The following ADORA2B variants were observed in gnomAD, a reference collection of about 807,000 sequenced individuals.
ADORA2B encodes adenosine receptor A2b.
A neutral mutation model predicts 20.8 loss-of-function variants in ADORA2B; 18 were observed. The observed-to-expected ratio is 0.87, with a 90% confidence interval of 0.60 to 1.29. The LOEUF is 1.29. Among genes scored for constraint, ADORA2B ranks in the 50% most tolerant of loss-of-function variants. The pLI, the probability that ADORA2B is intolerant of heterozygous loss-of-function variation, is 0.00. For synonymous variants in ADORA2B, 179 were observed against 178.3 expected, an observed-to-expected ratio of 1.00 and a Z score of -0.03; for missense variants, 441 against 422.7, an observed-to-expected ratio of 1.04 and a Z score of -0.38.
At chr17:15,958,490 C>G (rs1300899600) in intron 1 of ADORA2B, among the ~76,000 whole-genome samples, 4 of 152,204 alleles carry the variant, frequency 2.6e-5, no homozygotes, top group African/African-American at 9.6e-5. Context: ...GTGTGCACCT[C>G]CTTCCTTTAC....
intron 1 of ADORA2B, 46 bp downstream of exon 1, chr17:15,945,629 C>T: frequency 7.0e-7 from 1 of 1,420,968 alleles, no homozygotes; most frequent in South Asian, 1.5e-5. Flanking sequence ...GTCGGAGCTC[C>T]GAAATGGGTC....
chr17:15,874,090 A>ATATATG, the ADORA2B span, among the ~76,000 whole-genome samples: 1 of 139,328 alleles, frequency 7.2e-6, no homozygotes, highest in African/African-American at 2.9e-5. Flanking sequence ...ATGTATATAT[A>ATATATG]TGTATACACA....
chr17:15,874,062 G>A, the ADORA2B span, among the ~76,000 whole-genome samples: 17,680 of 99,466 alleles, frequency 0.18, 1,464 homozygotes, highest in South Asian at 0.3. Context: ...ATATATATGT[G>A]TGTGTGTATA....
the ADORA2B span, among the ~76,000 whole-genome samples, chr17:15,866,706 GCTGCCGCTGCCT>G: frequency 3.8e-4 from 56 of 147,942 alleles, no homozygotes; most frequent in South Asian, 2.7e-3. Context: ...TGCCTCTGCC[GCTGCCGCTGCCT>G]CTGCCGCTGC....
At chr17:15,944,766 G>A (rs1450157909), upstream of ADORA2B, among the ~76,000 whole-genome samples, 1 of 152,130 alleles carries the variant, frequency 6.6e-6, no homozygotes, top group East Asian at 1.9e-4. The surrounding 1 kb of genome is among the most constrained non-coding windows in gnomAD (Gnocchi z 4.8). Context: ...CCCGCCCGGG[G>A]TTGCGCGGCC....
At chr17:15,909,147 C>T in the ADORA2B span, among the ~76,000 whole-genome samples, 1 of 151,970 alleles carries the variant, frequency 6.6e-6, no homozygotes, top group Admixed American at 6.6e-5. Context: ...ATGATCAAGC[C>T]ACTGCACTCC....
chr17:15,958,325 A>G (rs1187353062), intron 1 of ADORA2B, among the ~76,000 whole-genome samples: 2 of 152,126 alleles, frequency 1.3e-5, no homozygotes, highest in Non-Finnish European at 2.9e-5. Context: ...GCCCAGGTAC[A>G]CTTCTTAAAC....
chr17:15,865,520 C>G, the ADORA2B span, among the ~76,000 whole-genome samples: 1 of 151,926 alleles, frequency 6.6e-6, no homozygotes, highest in Non-Finnish European at 1.5e-5. Flanking sequence ...CCTCAGCCTC[C>G]CAAAGTCCTG....
chr17:15,903,011 A>G, the ADORA2B span, among the ~76,000 whole-genome samples: 14 of 152,218 alleles, frequency 9.2e-5, no homozygotes, highest in Non-Finnish European at 1.9e-4. Context: ...AACTCATTAA[A>G]TTATGAATTT....
the ADORA2B span, among the ~76,000 whole-genome samples, chr17:15,877,182 G>C: frequency 5.9e-5 from 9 of 152,090 alleles, no homozygotes; most frequent in African/African-American, 2.2e-4. Flanking sequence ...ATAGCATCCT[G>C]TTCTTGTTTT....
At chr17:15,957,440 G>A (rs1969981373) in intron 1 of ADORA2B, among the ~76,000 whole-genome samples, 1 of 152,184 alleles carries the variant, frequency 6.6e-6, no homozygotes. Flanking sequence ...ACATAGTCGT[G>A]TGCTTCTGGC....
the ADORA2B span, among the ~76,000 whole-genome samples, chr17:15,874,832 C>T: frequency 6.6e-6 from 1 of 152,082 alleles, no homozygotes; most frequent in Non-Finnish European, 1.5e-5. Context: ...TTGTGTTATA[C>T]TTTCCATTTT....
chr17:15,898,499 G>A, the ADORA2B span, among the ~76,000 whole-genome samples: 2 of 143,222 alleles, frequency 1.4e-5, no homozygotes, highest in South Asian at 4.4e-4. Flanking sequence ...ATCCCGAGTA[G>A]CTGGGATTTC....
the ADORA2B span, among the ~76,000 whole-genome samples, chr17:15,920,441 G>A: frequency 6.6e-6 from 1 of 152,292 alleles, no homozygotes. Context: ...ACTACTTTCA[G>A]GCCAGCCACA....
intron 1 of ADORA2B, among the ~76,000 whole-genome samples, chr17:15,967,092 T>TG (rs1342804412): frequency 3.3e-5 from 5 of 151,972 alleles, no homozygotes; most frequent in Admixed American, 2.6e-4. Context: ...GAGACTGGCC[T>TG]GGGGAGAGGA....
chr17:15,968,600 T>C (rs1405071291), intron 1 of ADORA2B, among the ~76,000 whole-genome samples: 2 of 152,114 alleles, frequency 1.3e-5, no homozygotes, highest in African/African-American at 4.8e-5. Flanking sequence ...GAGCTGGAAT[T>C]TGTGAGTTGA....
At chr17:15,902,343 A>G in the ADORA2B span, among the ~76,000 whole-genome samples, 22 of 151,940 alleles carry the variant, frequency 1.4e-4, no homozygotes, top group Admixed American at 1.4e-3. Flanking sequence ...TCCTGGGATT[A>G]CAGGCCTGCG....
chr17:15,868,200 C>T, the ADORA2B span, among the ~76,000 whole-genome samples: 1 of 137,516 alleles, frequency 7.3e-6, no homozygotes, highest in South Asian at 2.3e-4. Flanking sequence ...CATCACCACT[C>T]CCTAATCTCA....
chr17:15,944,399 G>A (rs1402353874), upstream of ADORA2B, among the ~76,000 whole-genome samples: 2 of 152,142 alleles, frequency 1.3e-5, no homozygotes, highest in Non-Finnish European at 2.9e-5. This position sits in a 1 kb window ranked among gnomAD's most constrained non-coding sequence, Gnocchi z 4.8. Flanking sequence ...TCCAGGGTGA[G>A]TGTGAAGGAA....
Sources: allele counts gnomAD v4.1 joint callset (sites outside exome capture counted in the v4.1 genomes callset), GRCh38; gene constraint gnomAD v4.1.1; non-coding constraint Gnocchi (gnomAD v3.1); transcripts MANE v1.5; gene names NCBI Gene and HGNC (gene_info 2026-07-23, HGNC 2026-07-21).